PEX7: variants seen among roughly 807,000 people sequenced by gnomAD.
The protein encoded by PEX7 is peroxisomal biogenesis factor 7.
PEX7 carries 34 observed loss-of-function variants against 47.5 expected under a neutral mutation model. The ratio of observed to expected loss-of-function variants is 0.72; its 90% CI spans 0.54 to 0.95. The LOEUF (loss-of-function observed/expected upper bound fraction) is 0.95, where lower values mean the gene tolerates loss of function less well. Ranked by LOEUF, PEX7 falls within the 40% of genes least tolerant of loss-of-function variation. The pLI is 0.00. For missense variants in PEX7, 394 were observed against 400.3 expected, an observed-to-expected ratio of 0.98 and a Z score of 0.13; for synonymous variants, 141 against 148.8, an observed-to-expected ratio of 0.95 and a Z score of 0.38.
intron 5 of PEX7, among the ~76,000 whole-genome samples, chr6:136,866,015 G>A (rs187082584): frequency 3.3e-5 from 5 of 152,056 alleles, no homozygotes; most frequent in South Asian, 2.1e-4. Flanking sequence ...CCTGGGAGGC[G>A]GAGATTACAG....
intron 9 of PEX7, among the ~76,000 whole-genome samples, chr6:136,899,929 A>G (rs568267615): frequency 1.3e-5 from 2 of 152,324 alleles, no homozygotes; most frequent in East Asian, 1.9e-4. Context: ...CCTGTTTTCT[A>G]TTTTAGTCTT....
intron 8 of PEX7, among the ~76,000 whole-genome samples, chr6:136,897,238 A>G (rs1421391681): frequency 3.3e-5 from 5 of 152,200 alleles, no homozygotes; most frequent in Non-Finnish European, 7.3e-5. Flanking sequence ...TTTCAAAGGG[A>G]TCTGTTAAAC....
chr6:136,854,582 T>G (rs968031849), intron 5 of PEX7, among the ~76,000 whole-genome samples: 1 of 152,182 alleles, frequency 6.6e-6, no homozygotes, highest in African/African-American at 2.4e-5. Context: ...GTTTATACTG[T>G]TACCATTTTG....
chr6:136,881,908 T>C (rs1775381794), intron 8 of PEX7, among the ~76,000 whole-genome samples: 1 of 152,200 alleles, frequency 6.6e-6, no homozygotes, highest in African/African-American at 2.4e-5. Flanking sequence ...AAAGGTGTTG[T>C]AGCTATATTT....
chr6:136,876,057 A>G (rs1299419621), intron 8 of PEX7, among the ~76,000 whole-genome samples: 1 of 121,474 alleles, frequency 8.2e-6, no homozygotes, highest in Non-Finnish European at 1.7e-5. Flanking sequence ...TTTTTTTTTG[A>G]GACAGAGTCT....
chr6:136,844,964 A>G (rs1774569348), intron 3 of PEX7, among the ~76,000 whole-genome samples: 1 of 152,238 alleles, frequency 6.6e-6, no homozygotes, highest in Non-Finnish European at 1.5e-5. Flanking sequence ...CTAATTTCAT[A>G]AAGTATAATT....
chr6:136,828,315 A>T (rs1345902596), intron 3 of PEX7, among the ~76,000 whole-genome samples: 1 of 152,196 alleles, frequency 6.6e-6, no homozygotes, highest in Non-Finnish European at 1.5e-5. Context: ...CTCTCTGGAA[A>T]ATACTGTTCT....
chr6:136,872,111 A>G (rs895860355), intron 7 of PEX7, 87 bp from the exon 8 acceptor site: 1 of 1,149,950 alleles, frequency 8.7e-7, no homozygotes, highest in African/African-American at 1.5e-5. Context: ...TAAATTTATT[A>G]TAATGTTTAT....
chr6:136,846,710 A>G (rs1431483662), intron 5 of PEX7, among the ~76,000 whole-genome samples: 1 of 152,138 alleles, frequency 6.6e-6, no homozygotes, highest in Non-Finnish European at 1.5e-5. Context: ...TCCATGGTGT[A>G]TATGTGCCAC....
intron 8 of PEX7, among the ~76,000 whole-genome samples, chr6:136,897,935 GT>G (rs933495388): frequency 3.0e-4 from 44 of 146,932 alleles, no homozygotes; most frequent in South Asian, 6.5e-4. Context: ...TTGATGTAGG[GT>G]TTTTTTTTTA....
In PEX7 at chr6:136,913,468, G is replaced by C. The variant is rs754565174; in HGVS notation, c.914G>C (p.Cys305Ser). 5.0e-6 allele frequency: 8 copies of C among 1,611,160 alleles called. No homozygotes were observed. In the South Asian group the frequency reaches 7.7e-5, roughly 15 times the overall value. ...SLQSPTQVAD[C>S]SWDETIKIYD... Reference sequence around the variant, plus strand: ...ATTTTTGTTTTCTAGGTGGCTGACTGTTCTTGGGATGAAACAATAAAGATC... The same window carrying C: ...ATTTTTGTTTTCTAGGTGGCTGACTCTTCTTGGGATGAAACAATAAAGATC... The change falls in exon 10 of 10, where the codon TGT becomes TCT. Residue 305 changes from cysteine to serine, a missense_variant. Physicochemically the swap from Cys to Ser is moderately radical, Grantham distance 112. Coordinates refer to ENST00000318471, the MANE Select transcript of PEX7 (RefSeq NM_000288.4).
intron 5 of PEX7, among the ~76,000 whole-genome samples, chr6:136,856,183 CTGTT>C (rs1373244709): frequency 4.6e-5 from 7 of 150,842 alleles, no homozygotes; most frequent in East Asian, 1.9e-4. Flanking sequence ...AACAGAATGA[CTGTT>C]TGCTTCTGTA....
intron 8 of PEX7, among the ~76,000 whole-genome samples, chr6:136,891,769 T>C (rs1454753128): frequency 6.6e-6 from 1 of 151,940 alleles, no homozygotes; most frequent in East Asian, 1.9e-4. Flanking sequence ...GCCTCCCAAG[T>C]AGCTGGGACT....
chr6:136,856,042 G>A (rs1200870174), intron 5 of PEX7, among the ~76,000 whole-genome samples: 1 of 152,150 alleles, frequency 6.6e-6, no homozygotes, highest in Non-Finnish European at 1.5e-5. Flanking sequence ...GGATAGTGCT[G>A]TAGAATATGC....
chr6:136,876,431 G>A (rs1775274145), intron 8 of PEX7, among the ~76,000 whole-genome samples: 1 of 152,014 alleles, frequency 6.6e-6, no homozygotes, highest in Non-Finnish European at 1.5e-5. Flanking sequence ...TGGTGGTTTG[G>A]TGCACCCATC....
intron 5 of PEX7, among the ~76,000 whole-genome samples, chr6:136,864,217 G>C (rs1775016926): frequency 6.7e-6 from 1 of 149,336 alleles, no homozygotes; most frequent in Admixed American, 6.8e-5. Context: ...GCTTAGAACA[G>C]TATGTGGCAC....
chr6:136,830,071 G>T (rs1322306770), intron 3 of PEX7: 2 of 715,124 alleles, frequency 2.8e-6, no homozygotes, highest in Non-Finnish European at 5.2e-6. Flanking sequence ...TTCTGTGGAA[G>T]AGAGTATATA....
chr6:136,852,875 A>G (rs1223186665), intron 5 of PEX7, among the ~76,000 whole-genome samples: 1 of 101,980 alleles, frequency 9.8e-6, no homozygotes, highest in Non-Finnish European at 2.0e-5. Context: ...CCAAAAGAAC[A>G]AAGCTGGAGG....
chr6:136,904,783 A>G lies in PEX7; in HGVS notation c.903+6542A>G, dbSNP rs6907067. Reference sequence around the variant, plus strand: ...TCCCATTCTCAGATATGTCTTTATCAGCAGCGTGAAAATGGACTAATACAT... The same window carrying G: ...TCCCATTCTCAGATATGTCTTTATCGGCAGCGTGAAAATGGACTAATACAT... On this transcript the variant is annotated intron_variant, in intron 9 of 9. Coordinates refer to ENST00000318471, the MANE Select transcript of PEX7 (RefSeq NM_000288.4). 5.6e-3 allele frequency among the ~76,000 whole-genome samples: 860 copies of G among 152,228 alleles called. 14 individuals are homozygous for G. Among genetic ancestry groups the G allele is most frequent in the African/African-American group, 0.019 (809 of 41,524 alleles).
Sources: gnomAD v4.1 joint callset for allele counts (sites outside exome capture counted in the v4.1 genomes callset) on GRCh38, gnomAD v4.1.1 for gene constraint, MANE v1.5 for transcripts, NCBI Gene and HGNC (gene_info 2026-07-23, HGNC 2026-07-21) for gene names.